ERBB4: variants seen among roughly 807,000 people sequenced by gnomAD.
The protein encoded by ERBB4 is receptor tyrosine-protein kinase erbB-4.
A neutral mutation model predicts 158.0 loss-of-function variants in ERBB4; 42 were observed. The observed-to-expected ratio is 0.27, with a 90% CI of 0.21 to 0.34. ERBB4 has a LOEUF of 0.34. Ranked by LOEUF, ERBB4 falls within the 10% of genes least tolerant of loss-of-function variation. ERBB4 has a pLI of 1.00. For synonymous variants in ERBB4, 583 were observed against 558.7 expected (o/e 1.04, Z -0.61); for missense variants, 1,333 against 1,624.1 (o/e 0.82, Z 3.08).
chr2:211,987,734 A>T (rs1355842055), intron 2 of ERBB4, among the ~76,000 whole-genome samples: 1 of 152,204 alleles, frequency 6.6e-6, no homozygotes, highest in Non-Finnish European at 1.5e-5. Flanking sequence ...TTTATTTCCA[A>T]TACTCACAAT....
chr2:211,740,605 T>C (rs1376200335), intron 5 of ERBB4, among the ~76,000 whole-genome samples: 1 of 150,150 alleles, frequency 6.7e-6, no homozygotes, highest in Non-Finnish European at 1.5e-5. Context: ...GTTTACTTAA[T>C]TATTTCTTTT....
intron 1 of ERBB4, among the ~76,000 whole-genome samples, chr2:212,378,646 C>T (rs892783273): frequency 5.9e-5 from 9 of 151,722 alleles, no homozygotes; most frequent in Non-Finnish European, 1.0e-4. Context: ...TATTTTTATT[C>T]AATCTTCTTT....
chr2:212,521,554 C>T (rs1339934871), intron 1 of ERBB4, among the ~76,000 whole-genome samples: 1 of 151,768 alleles, frequency 6.6e-6, no homozygotes, highest in Admixed American at 6.6e-5. Flanking sequence ...TTCTATTTTG[C>T]CTTTAACTGC....
chr2:211,529,194 A>G (rs72939479), intron 20 of ERBB4, among the ~76,000 whole-genome samples: 38 of 152,056 alleles, frequency 2.5e-4, no homozygotes, highest in Non-Finnish European at 5.4e-4. Flanking sequence ...TACTACTGAC[A>G]TTCAAGAGAT....
intron 1 of ERBB4, among the ~76,000 whole-genome samples, chr2:212,295,087 A>G (rs566320087): frequency 6.6e-6 from 1 of 152,260 alleles, no homozygotes; most frequent in South Asian, 2.1e-4. Flanking sequence ...TTCCATTGGC[A>G]GAGCAGAAAC....
At chr2:211,887,485 T>G (rs1374311580) in intron 3 of ERBB4, among the ~76,000 whole-genome samples, 2 of 152,176 alleles carry the variant, frequency 1.3e-5, no homozygotes, top group African/African-American at 4.8e-5. Context: ...AAAATTCAAC[T>G]AGATCCTAAT....
chr2:211,510,540 A>T (rs577787487), intron 20 of ERBB4, among the ~76,000 whole-genome samples: 46 of 152,226 alleles, frequency 3.0e-4, no homozygotes, highest in African/African-American at 1.1e-3. Context: ...AAAATGTTGC[A>T]CTAAAATGAA....
intron 3 of ERBB4, among the ~76,000 whole-genome samples, chr2:211,806,095 A>C (rs2076607100): frequency 6.6e-6 from 1 of 152,256 alleles, no homozygotes; most frequent in South Asian, 2.1e-4. Flanking sequence ...AATCGAGCCA[A>C]ATAATTTCCC....
chr2:212,397,379 G>T (rs1056271598), intron 1 of ERBB4, among the ~76,000 whole-genome samples: 1 of 151,920 alleles, frequency 6.6e-6, no homozygotes, highest in Non-Finnish European at 1.5e-5. Context: ...AGGCTGAGGC[G>T]AGAGTATCAG....
chr2:211,549,812 T>C (rs1574726209), intron 20 of ERBB4, among the ~76,000 whole-genome samples: 1 of 152,106 alleles, frequency 6.6e-6, no homozygotes, highest in African/African-American at 2.4e-5. Context: ...GTGATGGGAG[T>C]GAACCAGCAG....
rs1016821387 is a variant in ERBB4 at position 212,006,315 on chromosome 2, T to A, written c.235-58699A>T. Reference sequence around the variant, plus strand: ...TATAAAACAAGTTTATCTACCTCTTTCATTATATATGAAAGGTTTTTACAA... The same window carrying A: ...TATAAAACAAGTTTATCTACCTCTTACATTATATATGAAAGGTTTTTACAA... On this transcript the variant is annotated intron_variant, in intron 2 of 27. Coordinates refer to ENST00000342788, the MANE Select transcript of ERBB4 (RefSeq NM_005235.3). 6.6e-5 allele frequency among the ~76,000 whole-genome samples: 10 copies of A among 152,146 alleles called. 1 individual carries two copies. The East Asian group carries it at 1.9e-3, about 29-fold the overall frequency.
At chr2:212,326,755 A>G (rs1046875022) in intron 1 of ERBB4, among the ~76,000 whole-genome samples, 1 of 150,796 alleles carries the variant, frequency 6.6e-6, no homozygotes, top group South Asian at 2.1e-4. Flanking sequence ...TTGTTCAGCA[A>G]CCTTTGGTAA....
chr2:212,537,652 C>T (rs1348836322), intron 1 of ERBB4, among the ~76,000 whole-genome samples: 2 of 152,068 alleles, frequency 1.3e-5, no homozygotes, highest in African/African-American at 2.4e-5. Context: ...TGAAGGACTC[C>T]GGCCAATAGC....
intron 1 of ERBB4, chr2:212,426,169 T>A: frequency 4.8e-6 from 2 of 412,612 alleles, no homozygotes; most frequent in Non-Finnish European, 9.5e-6. Context: ...AGTTTGAATG[T>A]GATATCACTC....
chr2:212,156,851 C>G (rs1005135599), intron 1 of ERBB4, among the ~76,000 whole-genome samples: 16 of 152,154 alleles, frequency 1.1e-4, no homozygotes, highest in African/African-American at 3.9e-4. Context: ...TTCTATCTCC[C>G]TAATATCCGT....
chr2:211,753,744 T>C (rs1474841954), intron 4 of ERBB4, among the ~76,000 whole-genome samples: 1 of 147,478 alleles, frequency 6.8e-6, no homozygotes, highest in Non-Finnish European at 1.5e-5. Context: ...TTTATATATA[T>C]ATATTTAATA....
chr2:212,093,892 G>T (rs2078852116), intron 2 of ERBB4, among the ~76,000 whole-genome samples: 1 of 151,940 alleles, frequency 6.6e-6, no homozygotes, highest in African/African-American at 2.4e-5. Flanking sequence ...TATTTCCAGA[G>T]AAATAAATTA....
At chr2:212,071,201 T>C (rs1559439872) in intron 2 of ERBB4, among the ~76,000 whole-genome samples, 2 of 151,936 alleles carry the variant, frequency 1.3e-5, no homozygotes. Context: ...ATAAAGCACT[T>C]GATATAAAAA....
chr2:212,386,399 T>C (rs2090675625), intron 1 of ERBB4, among the ~76,000 whole-genome samples: 1 of 151,960 alleles, frequency 6.6e-6, no homozygotes, highest in African/African-American at 2.4e-5. Context: ...CATCTACTTA[T>C]GTCCTTAAGA....
Sources: allele counts gnomAD v4.1 joint callset (sites outside exome capture counted in the v4.1 genomes callset), GRCh38; gene constraint gnomAD v4.1.1; transcripts MANE v1.5; gene names NCBI Gene and HGNC (gene_info 2026-07-23, HGNC 2026-07-21).